The following ACAN variants were observed in gnomAD, a reference collection of about 807,000 sequenced individuals.
ACAN encodes aggrecan core protein.
In ACAN, 47 loss-of-function variants were observed where a neutral mutation model predicts 169.1. The ratio of observed to expected loss-of-function variants is 0.28; its 90% CI spans 0.22 to 0.35. The LOEUF (loss-of-function observed/expected upper bound fraction) is 0.35, where lower values mean the gene tolerates loss of function less well. Among genes scored for constraint, ACAN ranks in the 10% least tolerant of loss-of-function variants. ACAN has a pLI of 1.00. For missense variants in ACAN, 2,716 were observed against 2,759.9 expected (o/e 0.98, Z 0.36); for synonymous variants, 1,115 against 1,112.2 (o/e 1.00, Z -0.05).
chr15:88,845,493 C>T lies in ACAN; in HGVS notation c.1052-12C>T, dbSNP rs1424503870. 6.3e-7 allele frequency: 1 copy of T among 1,585,864 alleles called. No individual in the cohort carries two copies. The highest frequency in any genetic ancestry group is 8.6e-7 in the Non-Finnish European group (1 of 1,162,340). ...GCTGAGAGGCTAAAGCTTGTCTTTG[C>T]CCCTCCCCTAGGTGAAGACTTTGTG... On this transcript the variant is annotated splice_polypyrimidine_tract_variant and intron_variant, in intron 6 of 18. Coordinates refer to ENST00000560601, the MANE Select transcript of ACAN (RefSeq NM_001369268.1).
rs1246842886 is a variant in ACAN at position 88,872,816 on chromosome 15, A to C, written c.7303-65A>C. 4 of 1,555,300 alleles carry C rather than the reference A, an allele frequency of 2.6e-6. No homozygotes were observed. Among genetic ancestry groups the C allele is most frequent in the Non-Finnish European group, 3.5e-6 (4 of 1,138,290 alleles). ...GATGAAGAGGCTCCACGGGGAAGAC[A>C]GTCGGAGCAGGCCAACCCGCACTGT... On this transcript the variant is annotated intron_variant, in intron 16 of 18. Coordinates refer to ENST00000560601, the MANE Select transcript of ACAN (RefSeq NM_001369268.1). This position sits in a 1 kb window ranked among gnomAD's most constrained non-coding sequence, Gnocchi z 5.4.
At chr15:88,834,611 C>T (rs565402608) in intron 1 of ACAN, among the ~76,000 whole-genome samples, 5 of 152,336 alleles carry the variant, frequency 3.3e-5, no homozygotes, top group South Asian at 2.1e-4. Context: ...ATCCTCCATC[C>T]GCTCCAAGGT....
chr15:88,827,840 T>A (rs559797516), intron 1 of ACAN, among the ~76,000 whole-genome samples: 30 of 152,272 alleles, frequency 2.0e-4, no homozygotes, highest in South Asian at 4.2e-4. Context: ...AAATTGAGCC[T>A]CGAGAGGTTA....
At position 88,854,424 on chromosome 15, in the gene ACAN, G is replaced by T. The variant is rs1268893380; in HGVS notation, c.2267-428G>T. On this transcript the variant is annotated intron_variant, in intron 11 of 18. Coordinates refer to ENST00000560601, the MANE Select transcript of ACAN (RefSeq NM_001369268.1). Reference sequence around the variant, plus strand: ...GCGAGTCCAAGCTTTGAAAACCATGGGACCAAATCAATGAGATGGTAATGT... The same window carrying T: ...GCGAGTCCAAGCTTTGAAAACCATGTGACCAAATCAATGAGATGGTAATGT... Among the ~76,000 whole-genome samples the T allele has an allele frequency of 2.0e-5, 3 of 152,138 alleles. No individual in the cohort carries two copies. The East Asian group carries it at 5.8e-4, about 29-fold the overall frequency.
intron 1 of ACAN, among the ~76,000 whole-genome samples, chr15:88,823,927 C>G (rs893645340): frequency 7.2e-5 from 11 of 152,138 alleles, no homozygotes; most frequent in African/African-American, 2.4e-4. Flanking sequence ...CCTGACAGCT[C>G]TACTCAGAGC....
At chr15:88,847,216 C>T in intron 7 of ACAN, 27 bp from the exon 8 acceptor site, 2 of 1,525,878 alleles carry the variant, frequency 1.3e-6, no homozygotes, top group Non-Finnish European at 8.8e-7. Context: ...GGTCCCTGAA[C>T]CTGACCGCTC....
chr15:88,820,368 C>T (rs952912126), intron 1 of ACAN, among the ~76,000 whole-genome samples: 2 of 152,078 alleles, frequency 1.3e-5, no homozygotes, highest in African/African-American at 2.4e-5. Flanking sequence ...CACCAAAGAT[C>T]GTGAGGACTG....
rs1423435177 is a variant in ACAN, at chr15:88,814,177, C to T, written c.-8+10368C>T. Among the ~76,000 whole-genome samples the T allele has an allele frequency of 1.3e-5, 2 of 152,184 alleles. No homozygotes were observed. Among genetic ancestry groups the T allele is most frequent in the East Asian group, 3.8e-4 (2 of 5,198 alleles). On this transcript the variant is annotated intron_variant, in intron 1 of 18. Coordinates refer to ENST00000560601, the MANE Select transcript of ACAN (RefSeq NM_001369268.1). The surrounding 1 kb of genome is among the most constrained non-coding windows in gnomAD (Gnocchi z 4.0). Reference sequence around the variant, plus strand: ...GATTAGTCTTGCTGTGCCTCGTTTTCCTCATCTGTGAATTGGGTATAATGA... The same window carrying T: ...GATTAGTCTTGCTGTGCCTCGTTTTTCTCATCTGTGAATTGGGTATAATGA...
chr15:88,824,358 T>G (rs1031787962), intron 1 of ACAN, among the ~76,000 whole-genome samples: 8 of 151,614 alleles, frequency 5.3e-5, no homozygotes, highest in Non-Finnish European at 1.2e-4. Flanking sequence ...AGATTAACAC[T>G]CCTTCTACTT....
chr15:88,824,280 C>T lies in ACAN; in HGVS notation c.-7-11920C>T, dbSNP rs78135070. ...CGGAGCTTGCAGTAAGCCAAGATTG[C>T]GCCACTGCACTCCCGGGTGACAGAG... On this transcript the variant is annotated intron_variant, in intron 1 of 18. Transcript: ENST00000560601. Among the ~76,000 whole-genome samples the T allele has an allele frequency of 8.2e-3, 1,245 of 151,612 alleles. 21 individuals are homozygous for T. The highest frequency in any genetic ancestry group is 0.076 in the South Asian group (364 of 4,782).
intron 4 of ACAN, 30 bp downstream of exon 4, chr15:88,840,216 C>T (rs373458592): frequency 3.8e-5 from 59 of 1,547,540 alleles, no homozygotes; most frequent in East Asian, 4.7e-5. Flanking sequence ...CTAGTGGGGG[C>T]CAGGAGTCAG....
intron 1 of ACAN, among the ~76,000 whole-genome samples, chr15:88,818,217 A>G (rs1895990655): frequency 6.6e-6 from 1 of 152,226 alleles, no homozygotes; most frequent in Non-Finnish European, 1.5e-5. Context: ...CCATGTCTGC[A>G]ATGAAAAGTA....
chr15:88,853,444 C>A (rs1896975487), intron 11 of ACAN, among the ~76,000 whole-genome samples: 2 of 152,186 alleles, frequency 1.3e-5, no homozygotes, highest in Non-Finnish European at 2.9e-5. Flanking sequence ...TCAAGACCAG[C>A]CTGGCCAACA....
At chr15:88,840,948 T>G (rs1016229795) in intron 4 of ACAN, among the ~76,000 whole-genome samples, 1 of 151,992 alleles carries the variant, frequency 6.6e-6, no homozygotes, top group Admixed American at 6.6e-5. Context: ...ATCGAGACCA[T>G]CCTAGCTAAC....
Position 88,845,827 on chromosome 15 carries a change from T to C in ACAN, c.1374T>C (p.Ser458=), listed in dbSNP as rs1172170699. The C allele has an allele frequency of 6.6e-7, 1 of 1,517,974 alleles. No homozygotes were observed. The highest frequency in any genetic ancestry group is 8.8e-7 in the Non-Finnish European group (1 of 1,131,294). The allele number at this position is 1,517,974 out of a possible 1,614,324, so 94.0% of individuals were successfully genotyped here. A position where few individuals can be genotyped will look rare whatever the true frequency, so the allele number is the denominator to read the frequency against. ...TGGGCCCTGCCACGGCATTCACCAG[T>C]GAGGACCTCGTCGTGCAGGTGACCG... is the stretch of plus-strand genomic sequence containing the variant. ...PGLGPATAFT[S]EDLVVQVTAV... Residue 458 remains serine (S), a synonymous_variant, in exon 7 of 19, where the codon AGT becomes AGC. Coordinates refer to ENST00000560601, the MANE Select transcript of ACAN (RefSeq NM_001369268.1).
intron 2 of ACAN, among the ~76,000 whole-genome samples, chr15:88,836,601 C>T (rs1480488737): frequency 3.3e-5 from 5 of 152,184 alleles, no homozygotes; most frequent in Admixed American, 6.5e-5. Flanking sequence ...CTGAGCTTGC[C>T]GGAGGGGCAG....
chr15:88,867,439 T>A (rs537088787), intron 13 of ACAN, among the ~76,000 whole-genome samples: 2 of 152,320 alleles, frequency 1.3e-5, no homozygotes, highest in South Asian at 4.1e-4. Context: ...CTGGCCAGGA[T>A]GGAGTCCCTC....
At chr15:88,835,400 C>CACACAT (rs1896476702) in intron 1 of ACAN, among the ~76,000 whole-genome samples, 1 of 152,036 alleles carries the variant, frequency 6.6e-6, no homozygotes, top group African/African-American at 2.4e-5. Context: ...CACACAGACA[C>CACACAT]ACACATACAC....
At chr15:88,837,941 C>T (rs1896547365) in intron 2 of ACAN, among the ~76,000 whole-genome samples, 1 of 148,628 alleles carries the variant, frequency 6.7e-6, no homozygotes, top group East Asian at 2.0e-4. Flanking sequence ...TCCCCATTCC[C>T]AGCAGATCTT....
Sources: allele counts gnomAD v4.1 joint callset (sites outside exome capture counted in the v4.1 genomes callset), GRCh38; gene constraint gnomAD v4.1.1; non-coding constraint Gnocchi (gnomAD v3.1); transcripts MANE v1.5; gene names NCBI Gene and HGNC (gene_info 2026-07-23, HGNC 2026-07-21).